RBFOX1: variants seen among roughly 807,000 people sequenced by gnomAD.
RBFOX1 encodes the protein RNA binding protein fox-1 homolog 1.
In RBFOX1, 8 loss-of-function variants were observed where a neutral mutation model predicts 57.7. The observed-to-expected ratio is 0.14, with a 90% CI of 0.08 to 0.25. The LOEUF is 0.25. Ranked by LOEUF, RBFOX1 falls within the 10% of genes least tolerant of loss-of-function variation. RBFOX1 has a pLI of 1.00. For synonymous variants in RBFOX1, 326 were observed against 222.4 expected (o/e 1.47, Z -4.15); for missense variants, 611 against 548.5 (o/e 1.11, Z -1.14).
At chr16:6,349,779 C>T (rs2085972365) in intron 2 of RBFOX1, among the ~76,000 whole-genome samples, 2 of 152,152 alleles carry the variant, frequency 1.3e-5, no homozygotes, top group South Asian at 4.1e-4. Context: ...TGGATATCTT[C>T]TCCATTTTTC....
At chr16:6,725,791 C>T (rs1395777007) in intron 3 of RBFOX1, among the ~76,000 whole-genome samples, 4 of 152,076 alleles carry the variant, frequency 2.6e-5, no homozygotes, top group Middle Eastern at 3.4e-3. Context: ...CATTTTAAGC[C>T]ATTTTCTGGC....
At chr16:6,322,375 A>C (rs570514866) in intron 2 of RBFOX1, among the ~76,000 whole-genome samples, 7 of 152,298 alleles carry the variant, frequency 4.6e-5, no homozygotes, top group Non-Finnish European at 1.0e-4. Flanking sequence ...GGGCAAGTTC[A>C]TCTCTTGATA....
intron 2 of RBFOX1, among the ~76,000 whole-genome samples, chr16:5,508,264 G>T (rs2043447934): frequency 6.6e-6 from 1 of 152,290 alleles, no homozygotes; most frequent in Admixed American, 6.5e-5. Flanking sequence ...CGTCTGGGTG[G>T]ATGCAGTCCT....
intron 2 of RBFOX1, among the ~76,000 whole-genome samples, chr16:6,335,450 C>T (rs765787504): frequency 1.2e-4 from 19 of 152,008 alleles, no homozygotes; most frequent in Non-Finnish European, 5.9e-5. Context: ...TTTCTTTAAC[C>T]ATGTTCATCA....
intron 3 of RBFOX1, among the ~76,000 whole-genome samples, chr16:6,734,625 C>G (rs2154176884): frequency 6.6e-6 from 1 of 152,278 alleles, no homozygotes; most frequent in South Asian, 2.1e-4. Context: ...CTCTATTCCT[C>G]AGACATTCTT....
chr16:6,065,414 T>C (rs1327626741), intron 1 of RBFOX1, among the ~76,000 whole-genome samples: 2 of 152,132 alleles, frequency 1.3e-5, no homozygotes, highest in African/African-American at 4.8e-5. Context: ...AGTGCTATTG[T>C]GTGTTCTTAG....
At chr16:6,120,818 C>T (rs897084283) in intron 1 of RBFOX1, among the ~76,000 whole-genome samples, 1 of 152,138 alleles carries the variant, frequency 6.6e-6, no homozygotes, top group African/African-American at 2.4e-5. Flanking sequence ...CTAACATTCA[C>T]TGCAGCCCCT....
At chr16:6,836,290 T>G (rs1420670652) in intron 3 of RBFOX1, among the ~76,000 whole-genome samples, 3 of 152,216 alleles carry the variant, frequency 2.0e-5, no homozygotes, top group Admixed American at 2.0e-4. Flanking sequence ...AATGAGATAG[T>G]TAAGGATTTT....
At chr16:6,481,580 C>G (rs537513445) in intron 2 of RBFOX1, among the ~76,000 whole-genome samples, 1 of 152,302 alleles carries the variant, frequency 6.6e-6, no homozygotes, top group African/African-American at 2.4e-5. Flanking sequence ...TAATAATACT[C>G]TATATTTGTG....
At chr16:6,327,710 A>T (rs776369288) in intron 2 of RBFOX1, among the ~76,000 whole-genome samples, 3 of 152,200 alleles carry the variant, frequency 2.0e-5, no homozygotes, top group Non-Finnish European at 4.4e-5. Context: ...CAAGAAAAGA[A>T]AAAGGAGTTT....
At chr16:6,777,850 G>A (rs930678036) in intron 3 of RBFOX1, among the ~76,000 whole-genome samples, 24 of 152,110 alleles carry the variant, frequency 1.6e-4, no homozygotes, top group African/African-American at 5.8e-4. Context: ...TGCACTAAGA[G>A]TATTCCTCAG....
At chr16:7,556,923 A>G (rs142654731) in intron 5 of RBFOX1, among the ~76,000 whole-genome samples, 7 of 152,308 alleles carry the variant, frequency 4.6e-5, no homozygotes, top group African/African-American at 1.7e-4. Flanking sequence ...TCTATCAACC[A>G]TTTCCATAGT....
In RBFOX1 at chr16:7,662,902, C is replaced by G. The variant is rs528736859; in HGVS notation, c.891-2027C>G. Among the ~76,000 whole-genome samples, 11 of 152,350 alleles carry G rather than the reference C, an allele frequency of 7.2e-5. No homozygotes were observed. In the South Asian group the frequency reaches 2.1e-3, roughly 29 times the overall value. ...AAGTAATATGTGCAAAGGCACTGCA[C>G]TGTTGATTGAGGATGCTGCAGTCTG... On this transcript the variant is annotated intron_variant, in intron 12 of 15. Coordinates refer to ENST00000550418, the MANE Select transcript of RBFOX1 (RefSeq NM_018723.4).
chr16:5,631,736 C>G (rs939836328), intron 3 of RBFOX1, among the ~76,000 whole-genome samples: 1 of 152,056 alleles, frequency 6.6e-6, no homozygotes, highest in Non-Finnish European at 1.5e-5. Flanking sequence ...AGTTTTGGCT[C>G]TTAGGAGGTG....
intron 1 of RBFOX1, among the ~76,000 whole-genome samples, chr16:5,425,368 C>T (rs192089543): frequency 2.6e-4 from 39 of 152,110 alleles, no homozygotes; most frequent in South Asian, 4.2e-4. Flanking sequence ...CCTCCCAAAG[C>T]GCTGGGATTA....
At chr16:5,736,900 C>G (rs866382221) in intron 3 of RBFOX1, among the ~76,000 whole-genome samples, 2 of 145,924 alleles carry the variant, frequency 1.4e-5, no homozygotes, top group South Asian at 4.7e-4. Flanking sequence ...TCTCTCTCCC[C>G]CTCCGTCTCT....
At chr16:7,504,148 C>T (rs1472683171) in intron 4 of RBFOX1, among the ~76,000 whole-genome samples, 1 of 152,022 alleles carries the variant, frequency 6.6e-6, no homozygotes, top group Non-Finnish European at 1.5e-5. Context: ...TTCATGGAAC[C>T]ATCATGACCT....
Position 7,156,603 on chromosome 16 carries a change from G to C in RBFOX1, c.27+104505G>C, listed in dbSNP as rs909071044. ...TTTGCATGCAGATATACATATATGT[G>C]TACATATATATGTATATACATATGC... On this transcript the variant is annotated intron_variant, in intron 4 of 15. Coordinates refer to ENST00000550418, the MANE Select transcript of RBFOX1 (RefSeq NM_018723.4). 3.3e-5 allele frequency among the ~76,000 whole-genome samples: 5 copies of C among 151,926 alleles called. No individual in the cohort carries two copies. In the East Asian group the frequency reaches 7.7e-4, roughly 24 times the overall value.
chr16:7,460,718 A>G (rs1405050030), intron 4 of RBFOX1, among the ~76,000 whole-genome samples: 1 of 151,898 alleles, frequency 6.6e-6, no homozygotes, highest in Non-Finnish European at 1.5e-5. Context: ...GAACTTAAAA[A>G]ATTTTAAACA....
Sources: gnomAD v4.1 joint callset for allele counts (sites outside exome capture counted in the v4.1 genomes callset) on GRCh38, gnomAD v4.1.1 for gene constraint, MANE v1.5 for transcripts, NCBI Gene and HGNC (gene_info 2026-07-23, HGNC 2026-07-21) for gene names.